The following MTMR11 variants were observed in gnomAD, a reference collection of about 807,000 sequenced individuals.
MTMR11 encodes the protein myotubularin related protein 11, also known as myotubularin-related protein 11.
In MTMR11, 89 loss-of-function variants were observed where a neutral mutation model predicts 100.0. The ratio of observed to expected loss-of-function variants is 0.89; its 90% CI spans 0.75 to 1.06. The LOEUF (loss-of-function observed/expected upper bound fraction) is 1.06, where lower values mean the gene tolerates loss of function less well. MTMR11 is among the 50% of genes least tolerant of loss of function. The probability of loss-of-function intolerance (pLI) is 0.00; values close to 1 mark genes in which losing one functional copy is unlikely to be tolerated. For synonymous variants in MTMR11, 336 were observed against 326.3 expected (o/e 1.03, Z -0.32); for missense variants, 809 against 873.7 (o/e 0.93, Z 0.93).
Position 149,929,193 on chromosome 1 carries a change from G to C in MTMR11, c.2066C>G (p.Thr689Ser), listed in dbSNP as rs587681965. 1 of 1,614,046 alleles carries C rather than the reference G, an allele frequency of 6.2e-7. No individual in the cohort carries two copies. Among genetic ancestry groups the C allele is most frequent in the East Asian group, 2.2e-5 (1 of 44,878 alleles). Reference sequence around the variant, plus strand: ...AGCAATTTCAGTGGGATTGAGAATGGTATGTGGATCTCTTTTCTTGGAGTG... The same window carrying C: ...AGCAATTTCAGTGGGATTGAGAATGCTATGTGGATCTCTTTTCTTGGAGTG... The part of the protein sequence containing the change: ...EDHSKKRDPH[T>S]ILNPTEIAGI... The change falls in exon 17 of 17, where the codon ACC becomes AGC. Residue 689 changes from threonine to serine, a missense_variant. Thr to Ser is a moderately conservative substitution (Grantham distance 58). Transcript: ENST00000439741.
chr1:149,936,695 A>C lies in MTMR11; in HGVS notation c.-48T>G. The C allele has an allele frequency of 4.0e-6, 5 of 1,256,692 alleles. No individual in the cohort carries two copies. Among genetic ancestry groups the C allele is most frequent in the Non-Finnish European group, 5.7e-6 (5 of 878,390 alleles). 77.8% of individuals were successfully genotyped at this position (1,256,692 alleles called of 1,614,324 possible). A position where few individuals can be genotyped will look rare whatever the true frequency, so the allele number is the denominator to read the frequency against. On this transcript the variant is annotated 5_prime_UTR_variant, in exon 1 of 17. Transcript: ENST00000439741. The stretch of plus-strand genomic sequence containing the variant: ...ACAGCAGTTAAGGGTGGGAAACCTC[A>C]AGGATGCTCACCCACCTCGGGGAGA...
At position 149,936,789 on chromosome 1, in the gene MTMR11, A is replaced by ATT. The variant is rs2092728023; in HGVS notation, c.-144_-143dup. On this transcript the variant is annotated 5_prime_UTR_variant, in exon 1 of 17. The change creates a new upstream start codon in the 5' untranslated region. Coordinates refer to ENST00000439741, the MANE Select transcript of MTMR11 (RefSeq NM_001145862.2). ...GGGGTTGGACACAAGGGAAAGGAGC[A>ATT]TTTGACGTGCACGGAGCAGAGTTTG... 3.0e-6 allele frequency: 2 copies of ATT among 668,864 alleles called. No homozygotes were observed. The highest frequency in any genetic ancestry group is 2.6e-6 in the Non-Finnish European group (1 of 377,704). The allele number at this position is 668,864 out of a possible 1,614,324, so 41.4% of individuals were successfully genotyped here.
chr1:149,929,494 G>T, intron 16 of MTMR11, 129 bp downstream of exon 16: 1 of 1,276,332 alleles, frequency 7.8e-7, no homozygotes, highest in Non-Finnish European at 1.1e-6. Context: ...CTTGTTTGAT[G>T]CCAAGAGGAG....
In MTMR11 at chr1:149,933,855, C is replaced by G; in HGVS notation, c.771G>C (p.Pro257=). The change falls in exon 8 of 17, where the codon CCG becomes CCC. Residue 257 remains proline (P), a splice_region_variant and synonymous_variant. Coordinates refer to ENST00000439741, the MANE Select transcript of MTMR11 (RefSeq NM_001145862.2). ...AFGHFHQGRG[P]RLSWHHPGGS... ...CCATTACCCTAACCATCACACTGAC[C>G]GGTCCACGGCCCTGATGAAAGTGGC... 1 of 1,613,944 alleles carries G rather than the reference C, an allele frequency of 6.2e-7. No homozygotes were observed. Among genetic ancestry groups the G allele is most frequent in the Non-Finnish European group, 8.5e-7 (1 of 1,179,808 alleles).
At chr1:149,935,248 G>A in intron 4 of MTMR11, 51 bp downstream of exon 4, 1 of 1,607,470 alleles carries the variant, frequency 6.2e-7, no homozygotes, top group Non-Finnish European at 8.5e-7. Context: ...GATGAGGAGG[G>A]AGTTCCAACA....
intron 3 of MTMR11, 87 bp from the exon 4 acceptor site, chr1:149,935,446 AC>A: frequency 6.3e-7 from 1 of 1,575,562 alleles, no homozygotes; most frequent in Non-Finnish European, 8.7e-7. Flanking sequence ...GGGGGCAACA[AC>A]CCTAGAGAGA....
In MTMR11 at chr1:149,929,021, G is replaced by T. The variant is rs587616447; in HGVS notation, c.*108C>A. The T allele has an allele frequency of 1.9e-5, 31 of 1,600,526 alleles. No individual in the cohort carries two copies. The Admixed American group carries it at 5.3e-4, about 27-fold the overall frequency. Reference sequence around the variant, plus strand: ...GTTGGAGCAGTTAACACCACTATCTGCAGCAGAAACTCAGACCTTCTTAGT... The same window carrying T: ...GTTGGAGCAGTTAACACCACTATCTTCAGCAGAAACTCAGACCTTCTTAGT... On this transcript the variant is annotated 3_prime_UTR_variant, in exon 17 of 17. Coordinates refer to ENST00000439741, the MANE Select transcript of MTMR11 (RefSeq NM_001145862.2).
Position 149,930,458 on chromosome 1 carries a change from C to T in MTMR11, c.1554G>A (p.Trp518Ter). 6.2e-7 allele frequency: 1 copy of T among 1,614,022 alleles called. No homozygotes were observed. Among genetic ancestry groups the T allele is most frequent in the Admixed American group, 1.7e-5 (1 of 60,006 alleles). ...SFNLQLSVWD[W>*]DLRYSNAQIL... ...TCTGTGCATTGCTATAACGTAAATC[C>T]CAGTCCCAGACAGACAGCTGCAGGT... Residue 518 changes from tryptophan (W) to a stop codon, truncating the protein, a stop_gained, in exon 15 of 17, where the codon TGG becomes TGA. Transcript: ENST00000439741. LOFTEE classifies it high-confidence loss of function.
chr1:149,936,841 C>A lies in MTMR11; in HGVS notation c.-194G>T. 2 of 587,504 alleles carry A rather than the reference C, an allele frequency of 3.4e-6. No individual in the cohort carries two copies. Among genetic ancestry groups the A allele is most frequent in the East Asian group, 6.4e-5 (2 of 31,450 alleles). The allele number at this position is 587,504 out of a possible 1,614,324, so 36.4% of individuals were successfully genotyped here. A position where few individuals can be genotyped will look rare whatever the true frequency, so the allele number is the denominator to read the frequency against. On this transcript the variant is annotated 5_prime_UTR_variant, in exon 1 of 17. Transcript: ENST00000439741. The stretch of plus-strand genomic sequence containing the variant: ...GGGTCCTTGGAAAGGTGTGTCCAGC[C>A]CAGCCTGAGAAGTCTCCTCGGAAAC...
chr1:149,934,559 T>A, intron 5 of MTMR11, 33 bp from the exon 6 acceptor site: 1 of 1,600,612 alleles, frequency 6.2e-7, no homozygotes, highest in South Asian at 1.1e-5. Context: ...TCCTTTTGGC[T>A]TAGGCTGAGT....
At chr1:149,930,644 T>A in intron 14 of MTMR11, 97 bp from the exon 15 acceptor site, 2 of 1,387,772 alleles carry the variant, frequency 1.4e-6, no homozygotes. Flanking sequence ...AGGAAAGATG[T>A]AGGGCAAAAG....
At chr1:149,933,754 C>A in intron 8 of MTMR11, 56 bp from the exon 9 acceptor site, 1 of 1,611,262 alleles carries the variant, frequency 6.2e-7, no homozygotes, top group Non-Finnish European at 8.5e-7. Context: ...TCCACGCTAC[C>A]CTTGCCCCCA....
chr1:149,934,084 T>C, intron 7 of MTMR11, 107 bp downstream of exon 7: 2 of 1,570,498 alleles, frequency 1.3e-6, no homozygotes, highest in Non-Finnish European at 1.7e-6. Flanking sequence ...GATAGCTTTG[T>C]GGGTGTCCTA....
Position 149,933,880 on chromosome 1 carries a change from C to G in MTMR11, c.746G>C (p.Gly249Ala), listed in dbSNP as rs144808781. 5 of 1,614,070 alleles carry G rather than the reference C, an allele frequency of 3.1e-6. No individual in the cohort carries two copies. Among genetic ancestry groups the G allele is most frequent in the Non-Finnish European group, 4.2e-6 (5 of 1,180,032 alleles). ...CGGTCCACGGCCCTGATGAAAGTGGCCAAATGCTCTCCTGACCTCACTGTC... is the reference window on the plus strand; with the variant it reads ...CGGTCCACGGCCCTGATGAAAGTGGGCAAATGCTCTCCTGACCTCACTGTC... ...ILDSEVRRAF[G>A]HFHQGRGPRL... The change falls in exon 8 of 17, where the codon GGC becomes GCC. Residue 249 changes from glycine to alanine, a missense_variant. Coordinates refer to ENST00000439741, the MANE Select transcript of MTMR11 (RefSeq NM_001145862.2).
In MTMR11 at chr1:149,928,804, G is replaced by T; in HGVS notation, c.*325C>A. On this transcript the variant is annotated 3_prime_UTR_variant, in exon 17 of 17. Coordinates refer to ENST00000439741, the MANE Select transcript of MTMR11 (RefSeq NM_001145862.2). The stretch of plus-strand genomic sequence containing the variant: ...GGAATTAAAGCAGCAGCAAGGCGAG[G>T]TGAGAATGCGATTTCTAGGCCATCT... 1 of 1,473,328 alleles carries T rather than the reference G, an allele frequency of 6.8e-7. No homozygotes were observed. The highest frequency in any genetic ancestry group is 9.5e-7 in the Non-Finnish European group (1 of 1,052,890). 91.3% of individuals were successfully genotyped at this position (1,473,328 alleles called of 1,614,324 possible). A position where few individuals can be genotyped will look rare whatever the true frequency, so the allele number is the denominator to read the frequency against.
chr1:149,931,502 T>TA, intron 12 of MTMR11, 76 bp from the exon 13 acceptor site: 1 of 1,379,966 alleles, frequency 7.2e-7, no homozygotes. Context: ...AGAAGAGAAA[T>TA]ACGGCAAGGA....
intron 13 of MTMR11, 58 bp from the exon 14 acceptor site, chr1:149,931,023 GA>G: frequency 1.1e-5 from 17 of 1,482,168 alleles, no homozygotes; most frequent in Non-Finnish European, 1.4e-5. Flanking sequence ...GGAGGATGAC[GA>G]GATGATAAGG....
Position 149,930,394 on chromosome 1 carries a change from A to G in MTMR11, c.1618T>C (p.Cys540Arg), listed in dbSNP as rs151117347. The change falls in exon 15 of 17, where the codon TGT becomes CGT. Residue 540 changes from cysteine (C) to arginine (R), a missense_variant. By Grantham distance (180) the Cys-to-Arg change is radical. Transcript: ENST00000439741. ...FQNPGYDPEH[C>R]PDSWLPRPQP... is the part of the protein sequence containing the mutation. ...GGTCTAGGGAGCCAGGAATCTGGAC[A>G]GTGTTCTGGGTCATAGCCAGGATTC... 135 of 1,613,856 alleles carry G rather than the reference A, an allele frequency of 8.4e-5. 1 individual carries two copies. In the East Asian group the frequency reaches 2.3e-3, roughly 27 times the overall value.
chr1:149,933,375 G>T (rs1553768119), intron 10 of MTMR11, 31 bp downstream of exon 10: 1 of 1,612,752 alleles, frequency 6.2e-7, no homozygotes, highest in South Asian at 1.1e-5. Flanking sequence ...AGGGGTGAGG[G>T]TGAGGGTTAG....
Sources: allele counts gnomAD v4.1 joint callset, GRCh38; gene constraint gnomAD v4.1.1; transcripts MANE v1.5; gene names NCBI Gene and HGNC (gene_info 2026-07-23, HGNC 2026-07-21).